The following DOCK1 variants were observed in gnomAD, a reference collection of about 807,000 sequenced individuals.
DOCK1 encodes the protein dedicator of cytokinesis 1, also known as dedicator of cytokinesis protein 1.
DOCK1 carries 138 observed loss-of-function variants against 262.7 expected under a neutral mutation model. The ratio of observed to expected loss-of-function variants is 0.53; its 90% CI spans 0.46 to 0.61. The LOEUF (loss-of-function observed/expected upper bound fraction) is 0.61. DOCK1 is among the 20% of genes least tolerant of loss of function. The pLI, the probability that DOCK1 is intolerant of heterozygous loss-of-function variation, is 0.00. For synonymous variants in DOCK1, 866 were observed against 867.4 expected (o/e 1.00, Z 0.03); for missense variants, 1,908 against 2,370.7 (o/e 0.80, Z 4.05).
At chr10:127,070,993 G>C (rs186306979) in intron 23 of DOCK1, among the ~76,000 whole-genome samples, 109 of 152,198 alleles carry the variant, frequency 7.2e-4, no homozygotes, top group Non-Finnish European at 8.2e-4. Context: ...GCCCTCAGCT[G>C]TCTGACGTTC....
At chr10:127,262,271 T>A (rs1430709757) in intron 29 of DOCK1, among the ~76,000 whole-genome samples, 4 of 151,808 alleles carry the variant, frequency 2.6e-5, no homozygotes, top group Non-Finnish European at 5.9e-5. Context: ...TGTGTGCATG[T>A]GGCTGTGTGT....
chr10:127,393,220 T>G (rs1163507061), intron 38 of DOCK1, among the ~76,000 whole-genome samples: 1 of 152,114 alleles, frequency 6.6e-6, no homozygotes, highest in African/African-American at 2.4e-5. Flanking sequence ...ACTTAAGACC[T>G]CAGTTAAGCT....
intron 49 of DOCK1, among the ~76,000 whole-genome samples, chr10:127,439,577 T>C (rs4751412): frequency 0.37 from 56,829 of 152,116 alleles, 11,328 homozygotes; most frequent in East Asian, 0.49. Context: ...AAACAGTCCT[T>C]GGTGTCCGCT....
intron 23 of DOCK1, among the ~76,000 whole-genome samples, chr10:127,098,216 A>G (rs1413158740): frequency 1.3e-5 from 2 of 152,232 alleles, no homozygotes; most frequent in African/African-American, 4.8e-5. Context: ...TACAAAAATA[A>G]CAAAAGGCAA....
At position 127,393,257 on chromosome 10, in the gene DOCK1, C is replaced by T. The variant is rs146683408; in HGVS notation, c.3927+8348C>T. Among the ~76,000 whole-genome samples the T allele has an allele frequency of 6.6e-5, 10 of 152,248 alleles. No homozygotes were observed. In the East Asian group the frequency reaches 1.9e-3, roughly 29 times the overall value. On this transcript the variant is annotated intron_variant, in intron 38 of 51. Transcript: ENST00000623213. ...GGAGACCAGTGATTACCGGGGCTTG[C>T]AAGATGATAAAATGGAAGCCAGGTG...
At chr10:126,955,753 G>A (rs1001483124) in intron 1 of DOCK1, among the ~76,000 whole-genome samples, 6 of 152,122 alleles carry the variant, frequency 3.9e-5, no homozygotes, top group African/African-American at 9.7e-5. Context: ...GAGTGGTCAC[G>A]TTGCACAGGG....
intron 25 of DOCK1, among the ~76,000 whole-genome samples, chr10:127,120,259 ACT>A (rs2049469880): frequency 6.6e-6 from 1 of 152,136 alleles, no homozygotes; most frequent in South Asian, 2.1e-4. Flanking sequence ...TGTGGCCATG[ACT>A]CTGCTTACAA....
intron 40 of DOCK1, among the ~76,000 whole-genome samples, chr10:127,408,446 A>T (rs1015620027): frequency 3.9e-5 from 6 of 152,172 alleles, no homozygotes; most frequent in African/African-American, 1.4e-4. Context: ...GGAGGCCAGG[A>T]ACTTAGTAGC....
intron 1 of DOCK1, among the ~76,000 whole-genome samples, chr10:126,930,948 T>C (rs2034140613): frequency 2.6e-5 from 4 of 152,258 alleles, no homozygotes; most frequent in Admixed American, 2.6e-4. Flanking sequence ...ACGGACTCCC[T>C]GTCTCTTCAT....
intron 27 of DOCK1, among the ~76,000 whole-genome samples, chr10:127,245,735 T>A (rs538299156): frequency 6.6e-6 from 1 of 152,340 alleles, no homozygotes; most frequent in South Asian, 2.1e-4. Context: ...TTAGTGTTAC[T>A]CTGTGCTCAT....
At chr10:127,076,083 CCTT>C (rs1365823078) in intron 23 of DOCK1, among the ~76,000 whole-genome samples, 2 of 152,136 alleles carry the variant, frequency 1.3e-5, no homozygotes, top group African/African-American at 4.8e-5. Context: ...GGTAATATGT[CCTT>C]CTTACACAGA....
intron 38 of DOCK1, among the ~76,000 whole-genome samples, chr10:127,385,247 G>A (rs61870314): frequency 1.6e-4 from 25 of 152,200 alleles, no homozygotes; most frequent in Non-Finnish European, 2.9e-4. Context: ...CTGTTGGCAC[G>A]GAAGAATTAA....
intron 23 of DOCK1, among the ~76,000 whole-genome samples, chr10:127,065,715 C>A (rs934555332): frequency 6.6e-5 from 10 of 152,160 alleles, no homozygotes; most frequent in Non-Finnish European, 1.3e-4. Flanking sequence ...ATATCCTCTG[C>A]CGCACATCAC....
intron 27 of DOCK1, among the ~76,000 whole-genome samples, chr10:127,131,022 A>G (rs1442745057): frequency 6.6e-6 from 1 of 152,174 alleles, no homozygotes; most frequent in African/African-American, 2.4e-5. Flanking sequence ...GAAGGGCCAG[A>G]CCACAAGCTA....
Position 127,446,810 on chromosome 10 carries a change from A to G in DOCK1, c.5414-584A>G, listed in dbSNP as rs998243631. The stretch of plus-strand genomic sequence containing the variant: ...CTATTTTTTCCAGTTTACTTTAAAA[A>G]TCAATTGTACTTCCCCTTGGCTTAT... On this transcript the variant is annotated intron_variant, in intron 50 of 51. Coordinates refer to ENST00000623213, the MANE Select transcript of DOCK1 (RefSeq NM_001290223.2). The surrounding 1 kb of genome is among the most constrained non-coding windows in gnomAD (Gnocchi z 4.4). 2.0e-5 allele frequency among the ~76,000 whole-genome samples: 3 copies of G among 152,210 alleles called. No individual in the cohort carries two copies. The highest frequency in any genetic ancestry group is 4.4e-5 in the Non-Finnish European group (3 of 68,044).
At chr10:127,336,696 C>G (rs1390945469) in intron 29 of DOCK1, among the ~76,000 whole-genome samples, 2 of 152,136 alleles carry the variant, frequency 1.3e-5, no homozygotes, top group Admixed American at 6.5e-5. Flanking sequence ...CCCGCCACCA[C>G]ACCCAGCTAA....
At chr10:127,114,110 A>T (rs900529537) in intron 25 of DOCK1, among the ~76,000 whole-genome samples, 2 of 152,172 alleles carry the variant, frequency 1.3e-5, no homozygotes, top group Non-Finnish European at 2.9e-5. Flanking sequence ...CCCATGTGGA[A>T]TCATTGTATT....
intron 5 of DOCK1, among the ~76,000 whole-genome samples, chr10:126,989,029 C>T (rs1049894139): frequency 5.3e-5 from 8 of 149,992 alleles, no homozygotes; most frequent in Admixed American, 4.0e-4. Flanking sequence ...GCCAAGATTG[C>T]GCCACTGCAC....
intron 37 of DOCK1, among the ~76,000 whole-genome samples, chr10:127,381,592 A>C (rs1378002859): frequency 6.6e-6 from 1 of 152,242 alleles, no homozygotes; most frequent in African/African-American, 2.4e-5. Context: ...GCAGGTGATC[A>C]CTGAGCATTA....
Sources: gnomAD v4.1 joint callset for allele counts (sites outside exome capture counted in the v4.1 genomes callset) on GRCh38, gnomAD v4.1.1 for gene constraint, Gnocchi (gnomAD v3.1) non-coding constraint, MANE v1.5 for transcripts, NCBI Gene and HGNC (gene_info 2026-07-23, HGNC 2026-07-21) for gene names.